Variants in TAFA1 observed in about 807,000 individuals in gnomAD.
TAFA1 encodes chemokine-like protein TAFA-1.
In TAFA1, 4 loss-of-function variants were observed where a neutral mutation model predicts 18.5. The observed-to-expected ratio is 0.22, with a 90% CI of 0.11 to 0.49. The LOEUF is 0.49. Among genes scored for constraint, TAFA1 ranks in the 20% least tolerant of loss-of-function variants. The pLI is 0.98. For synonymous variants in TAFA1, 56 were observed against 55.2 expected, an observed-to-expected ratio of 1.01 and a Z score of -0.06; for missense variants, 147 against 169.0, an observed-to-expected ratio of 0.87 and a Z score of 0.72.
chr3:68,345,706 AT>A, intron 2 of TAFA1, among the ~76,000 whole-genome samples: 1 of 152,296 alleles, frequency 6.6e-6, no homozygotes, highest in East Asian at 1.9e-4. Flanking sequence ...ATAATAATAA[AT>A]AAAAAGGCCT....
chr3:68,523,689 C>T (rs1367934470), intron 3 of TAFA1, among the ~76,000 whole-genome samples: 1 of 152,026 alleles, frequency 6.6e-6, no homozygotes, highest in Non-Finnish European at 1.5e-5. Flanking sequence ...TTTCATATTC[C>T]TAGTGTTTTG....
chr3:68,289,148 A>T (rs894985230), intron 2 of TAFA1, among the ~76,000 whole-genome samples: 2 of 152,206 alleles, frequency 1.3e-5, no homozygotes, highest in Admixed American at 1.3e-4. Context: ...ACCCATATTT[A>T]TTAGTTTCTG....
chr3:68,263,180 A>G (rs139055718), intron 2 of TAFA1, among the ~76,000 whole-genome samples: 1 of 152,210 alleles, frequency 6.6e-6, no homozygotes, highest in East Asian at 1.9e-4. Flanking sequence ...CAGAGATTCT[A>G]ATATCCCTCA....
intron 2 of TAFA1, among the ~76,000 whole-genome samples, chr3:68,222,566 C>G (rs1314541113): frequency 2.6e-5 from 4 of 152,130 alleles, no homozygotes. Flanking sequence ...TGTACAGGAT[C>G]TTTATTCCAT....
chr3:68,425,757 G>C (rs891112182), intron 3 of TAFA1, among the ~76,000 whole-genome samples: 31 of 151,914 alleles, frequency 2.0e-4, no homozygotes, highest in African/African-American at 7.0e-4. Context: ...CTTTCTGTTT[G>C]TTTGTTTGTT....
intron 2 of TAFA1, among the ~76,000 whole-genome samples, chr3:68,134,198 T>A (rs1441453509): frequency 6.8e-6 from 1 of 148,072 alleles, no homozygotes; most frequent in Non-Finnish European, 1.5e-5. Flanking sequence ...GGCACAAGAG[T>A]GGAAGGGAGA....
At position 68,260,043 on chromosome 3, in the gene TAFA1, T is replaced by C. The variant is rs1438744342; in HGVS notation, c.119-157237T>C. Among the ~76,000 whole-genome samples the C allele has an allele frequency of 3.3e-5, 5 of 152,344 alleles. No individual in the cohort carries two copies. The South Asian group carries it at 8.3e-4, about 25-fold the overall frequency. ...TTTCCAAAGGGAATGCTTCCAGTTT[T>C]TGCCCATTCAATATGATGTTGGCTG... is the stretch of plus-strand genomic sequence containing the variant. On this transcript the variant is annotated intron_variant, in intron 2 of 4. Transcript: ENST00000478136.
intron 2 of TAFA1, among the ~76,000 whole-genome samples, chr3:68,393,915 A>C (rs9868923): frequency 6.6e-6 from 1 of 152,336 alleles, no homozygotes; most frequent in African/African-American, 2.4e-5. Flanking sequence ...TCATACAGAA[A>C]GGGCAAAAGC....
intron 2 of TAFA1, among the ~76,000 whole-genome samples, chr3:68,393,910 C>T (rs1442024678): frequency 6.6e-6 from 1 of 151,740 alleles, no homozygotes; most frequent in East Asian, 1.9e-4. Flanking sequence ...CAATATCATA[C>T]AGAAAGGGCA....
intron 2 of TAFA1, among the ~76,000 whole-genome samples, chr3:68,047,943 A>G (rs1188890516): frequency 6.6e-6 from 1 of 152,150 alleles, no homozygotes; most frequent in African/African-American, 2.4e-5. Context: ...GAAGTTGGCC[A>G]CATGCTTGTA....
intron 2 of TAFA1, among the ~76,000 whole-genome samples, chr3:68,408,116 A>T (rs971315684): frequency 6.6e-6 from 1 of 152,148 alleles, no homozygotes; most frequent in African/African-American, 2.4e-5. Flanking sequence ...CTCTGAAAAA[A>T]ATTTGCGATT....
intron 2 of TAFA1, among the ~76,000 whole-genome samples, chr3:68,374,526 A>G (rs1433071446): frequency 6.6e-6 from 1 of 152,200 alleles, no homozygotes. Context: ...CTGATTATAA[A>G]GGTTTTAACA....
chr3:68,170,543 C>A (rs2066039778), intron 2 of TAFA1, among the ~76,000 whole-genome samples: 1 of 152,120 alleles, frequency 6.6e-6, no homozygotes, highest in Admixed American at 6.5e-5. Context: ...TGAAATGCTC[C>A]AATATATTTC....
At chr3:68,477,528 A>C (rs571302710) in intron 3 of TAFA1, among the ~76,000 whole-genome samples, 1 of 152,054 alleles carries the variant, frequency 6.6e-6, no homozygotes, top group South Asian at 2.1e-4. Context: ...GCATGTGCCA[A>C]CATGCTTGGC....
chr3:68,371,440 T>G (rs566290020), intron 2 of TAFA1, among the ~76,000 whole-genome samples: 1 of 152,278 alleles, frequency 6.6e-6, no homozygotes, highest in African/African-American at 2.4e-5. Context: ...TGTGTTCTTA[T>G]TGTTTAACTC....
chr3:68,359,285 G>A (rs1208021510), intron 2 of TAFA1, among the ~76,000 whole-genome samples: 1 of 151,912 alleles, frequency 6.6e-6, no homozygotes, highest in African/African-American at 2.4e-5. Context: ...ACTGTGATAG[G>A]CAGAATAATG....
At position 68,544,620 on chromosome 3, in the gene TAFA1, T is replaced by C; in HGVS notation, c.*117T>C. On this transcript the variant is annotated 3_prime_UTR_variant, in exon 5 of 5. Transcript: ENST00000478136. ...ATTTCTTACTTGCACTTTGACTGGC[T>C]ACCAGATAATCACAGTGCGTTTACT... is the stretch of plus-strand genomic sequence containing the variant. 1 of 1,032,646 alleles carries C rather than the reference T, an allele frequency of 9.7e-7. No homozygotes were observed. Among genetic ancestry groups the C allele is most frequent in the East Asian group, 2.5e-5 (1 of 39,742 alleles). The allele number at this position is 1,032,646 out of a possible 1,614,324, so 64.0% of individuals were successfully genotyped here. A position where few individuals can be genotyped will look rare whatever the true frequency, so the allele number is the denominator to read the frequency against.
intron 2 of TAFA1, among the ~76,000 whole-genome samples, chr3:68,121,646 A>G (rs1488334985): frequency 6.6e-6 from 1 of 152,206 alleles, no homozygotes; most frequent in Non-Finnish European, 1.5e-5. Context: ...TTTTAAAATT[A>G]TGTAGTGTTC....
chr3:68,405,947 T>C (rs1459850883), intron 2 of TAFA1, among the ~76,000 whole-genome samples: 2 of 151,954 alleles, frequency 1.3e-5, no homozygotes, highest in Non-Finnish European at 2.9e-5. Flanking sequence ...ACAAGGAGAA[T>C]GGCAGCCCTT....
Sources: gnomAD v4.1 joint callset for allele counts (sites outside exome capture counted in the v4.1 genomes callset) on GRCh38, gnomAD v4.1.1 for gene constraint, MANE v1.5 for transcripts, NCBI Gene and HGNC (gene_info 2026-07-23, HGNC 2026-07-21) for gene names.